Variants in BNC2 observed in about 807,000 individuals in gnomAD.
The protein encoded by BNC2 is zinc finger protein basonuclin-2.
In BNC2, 20 loss-of-function variants were observed where a neutral mutation model predicts 76.3. The ratio of observed to expected loss-of-function variants is 0.26; its 90% confidence interval spans 0.18 to 0.38. BNC2 has a LOEUF of 0.38. BNC2 is among the 10% of genes least tolerant of loss of function. The pLI, the probability that BNC2 is intolerant of heterozygous loss-of-function variation, is 1.00. For missense variants in BNC2, 1,382 were observed against 1,399.8 expected (o/e 0.99, Z 0.20); for synonymous variants, 582 against 514.8 (o/e 1.13, Z -1.77).
chr9:16,793,728 T>C (rs143775569), intron 1 of BNC2, among the ~76,000 whole-genome samples: 1 of 139,526 alleles, frequency 7.2e-6, no homozygotes, highest in African/African-American at 2.6e-5. Context: ...TGCAGTGGCG[T>C]GATCTGGGCT....
chr9:16,504,400 A>G (rs977434390), intron 5 of BNC2, among the ~76,000 whole-genome samples: 2 of 151,786 alleles, frequency 1.3e-5, no homozygotes, highest in Non-Finnish European at 1.5e-5. Context: ...TCTCACAATT[A>G]TATCTATTCC....
intron 5 of BNC2, among the ~76,000 whole-genome samples, chr9:16,498,496 C>T (rs995064034): frequency 6.7e-5 from 10 of 149,696 alleles, no homozygotes; most frequent in Middle Eastern, 3.5e-3. Flanking sequence ...AATGATACAA[C>T]GGACTTTGGG....
At chr9:16,833,795 T>A (rs1041739819) in intron 1 of BNC2, among the ~76,000 whole-genome samples, 5 of 152,100 alleles carry the variant, frequency 3.3e-5, no homozygotes, top group African/African-American at 1.2e-4. Flanking sequence ...ACCTCCTCAT[T>A]TCATTTAGAG....
chr9:16,846,034 G>A (rs139233868), intron 1 of BNC2, among the ~76,000 whole-genome samples: 8 of 151,820 alleles, frequency 5.3e-5, no homozygotes, highest in East Asian at 2.0e-4. Context: ...CCTGCAGTCC[G>A]GAGGCTGACG....
intron 4 of BNC2, among the ~76,000 whole-genome samples, chr9:16,562,718 T>C (rs780810824): frequency 8.5e-5 from 13 of 152,164 alleles, no homozygotes; most frequent in Non-Finnish European, 1.3e-4. Context: ...CCTAGCAAAA[T>C]TGATAAATAT....
chr9:16,814,125 A>G (rs1400062040), intron 1 of BNC2, among the ~76,000 whole-genome samples: 1 of 152,136 alleles, frequency 6.6e-6, no homozygotes, highest in Non-Finnish European at 1.5e-5. Flanking sequence ...CTCATCTACT[A>G]TTTTGTAGGT....
chr9:16,738,125 T>TTA (rs1824732625), intron 2 of BNC2, among the ~76,000 whole-genome samples: 1 of 152,110 alleles, frequency 6.6e-6, no homozygotes, highest in Non-Finnish European at 1.5e-5. Context: ...GGCAGATACT[T>TTA]TATCACGTTC....
Position 16,437,029 on chromosome 9 carries a change from T to C in BNC2, c.1165A>G (p.Ser389Gly). 6.2e-7 allele frequency: 1 copy of C among 1,614,132 alleles called. No individual in the cohort carries two copies. Among genetic ancestry groups the C allele is most frequent in the South Asian group, 1.1e-5 (1 of 91,082 alleles). The change falls in exon 6 of 7, where the codon AGC (serine) becomes GGC (glycine). Residue 389 changes from serine (S) to glycine (G), a missense_variant. This residue lies in a region of BNC2 where 557 missense variants were observed against 540.9 expected (regional missense o/e 1.03). Transcript: ENST00000380672. The part of the protein sequence containing the change: ...DQTPNRNALT[S>G]ITNVEPKTEP... ...GTTTTGGGCTCCACATTAGTAATGC[T>C]GGTCAGGGCATTTCTATTGGGTGTT... is the stretch of plus-strand genomic sequence containing the variant.
chr9:16,847,507 G>A (rs1439420808), intron 1 of BNC2, among the ~76,000 whole-genome samples: 2 of 109,394 alleles, frequency 1.8e-5, no homozygotes, highest in Non-Finnish European at 3.5e-5. Flanking sequence ...AAGGAAAAAA[G>A]AATTGACCAA....
intron 3 of BNC2, among the ~76,000 whole-genome samples, chr9:16,711,105 C>T (rs1317361042): frequency 2.0e-5 from 3 of 152,160 alleles, no homozygotes; most frequent in Admixed American, 6.5e-5. Flanking sequence ...TCCTCCTCCC[C>T]TCCCCCCAGT....
rs151288938 is a variant in BNC2 at position 16,758,481 on chromosome 9, C to T, written c.4-19996G>A. 3.6e-3 allele frequency among the ~76,000 whole-genome samples: 554 copies of T among 152,190 alleles called. 3 individuals are homozygous for T. The highest frequency in any genetic ancestry group is 0.013 in the African/African-American group (533 of 41,536). On this transcript the variant is annotated intron_variant, in intron 1 of 6. Coordinates refer to ENST00000380672, the MANE Select transcript of BNC2 (RefSeq NM_017637.6). ...AAGTAGCTGGGACTACAGGTGCACACCACCACACCCGGCTCCTTTTTGTAT... is the reference window on the plus strand; with the variant it reads ...AAGTAGCTGGGACTACAGGTGCACATCACCACACCCGGCTCCTTTTTGTAT...
At chr9:16,439,842 C>T (rs771069622) in intron 5 of BNC2, among the ~76,000 whole-genome samples, 1 of 152,190 alleles carries the variant, frequency 6.6e-6, no homozygotes, top group African/African-American at 2.4e-5. Context: ...CCTATGAAAA[C>T]TGTCAAACAC....
At chr9:16,826,210 T>C (rs1818451116) in intron 1 of BNC2, among the ~76,000 whole-genome samples, 1 of 131,752 alleles carries the variant, frequency 7.6e-6, no homozygotes, top group African/African-American at 2.8e-5. Flanking sequence ...CCCTTTCTCC[T>C]TACTTCACTC....
rs575651016 is a variant in BNC2 at position 16,471,514 on chromosome 9, A to T, written c.670-33990T>A. ...TCACTATGTTGGCCAGGCTGGTCTC[A>T]AACTCCTGACCTCGTGATCCGCCCG... On this transcript the variant is annotated intron_variant, in intron 5 of 6. Transcript: ENST00000380672. 1.2e-4 allele frequency among the ~76,000 whole-genome samples: 19 copies of T among 152,148 alleles called. No individual in the cohort carries two copies. The South Asian group carries it at 3.5e-3, about 28-fold the overall frequency.
intron 5 of BNC2, among the ~76,000 whole-genome samples, chr9:16,500,157 T>G (rs1822488036): frequency 6.6e-6 from 1 of 151,918 alleles, no homozygotes; most frequent in East Asian, 2.0e-4. Context: ...TTCCACTACA[T>G]TCCCTCTCTC....
At chr9:16,764,449 C>G (rs531960667) in intron 1 of BNC2, among the ~76,000 whole-genome samples, 1 of 152,046 alleles carries the variant, frequency 6.6e-6, no homozygotes, top group Non-Finnish European at 1.5e-5. Flanking sequence ...GGTAAGTAAC[C>G]CAACCTAAAA....
intron 5 of BNC2, chr9:16,473,346 G>A (rs1286310461): frequency 6.6e-6 from 1 of 152,178 alleles, no homozygotes; most frequent in African/African-American, 2.4e-5. Context: ...ACCGGAAAGT[G>A]CTCTGTAAAG....
At chr9:16,529,015 T>G (rs959933494) in intron 5 of BNC2, among the ~76,000 whole-genome samples, 1 of 152,160 alleles carries the variant, frequency 6.6e-6, no homozygotes, top group African/African-American at 2.4e-5. Context: ...TGCATGCCTC[T>G]CTCCTAGCTT....
intron 1 of BNC2, among the ~76,000 whole-genome samples, chr9:16,845,005 G>A (rs1425839668): frequency 6.6e-6 from 1 of 152,114 alleles, no homozygotes; most frequent in Non-Finnish European, 1.5e-5. Flanking sequence ...ACACTGTGTA[G>A]GTAGTAGCAT....
Sources: gnomAD v4.1 joint callset for allele counts (sites outside exome capture counted in the v4.1 genomes callset) on GRCh38, gnomAD v4.1.1 for gene constraint, gnomAD v4.1.1 regional missense constraint, MANE v1.5 for transcripts, NCBI Gene and HGNC (gene_info 2026-07-23, HGNC 2026-07-21) for gene names.